The following NAGA variants were observed in gnomAD, a reference collection of about 807,000 sequenced individuals.
NAGA encodes the protein alpha-N-acetylgalactosaminidase.
Under a neutral mutation model 45.6 loss-of-function variants are expected in NAGA, and 42 were observed. The observed-to-expected ratio is 0.92, with a 90% CI of 0.72 to 1.19. NAGA has a LOEUF of 1.19. NAGA is among the 50% of genes most tolerant of loss of function. The pLI, the probability that NAGA is intolerant of heterozygous loss-of-function variation, is 0.00. For missense variants in NAGA, 493 were observed against 544.8 expected, an observed-to-expected ratio of 0.90 and a Z score of 0.95; for synonymous variants, 176 against 203.1, an observed-to-expected ratio of 0.87 and a Z score of 1.13.
At chr22:42,064,849 C>G (rs981717719) in intron 6 of NAGA, among the ~76,000 whole-genome samples, 7 of 152,130 alleles carry the variant, frequency 4.6e-5, no homozygotes, top group Admixed American at 1.3e-4. Flanking sequence ...TACCACTGGC[C>G]ACACCCACTT....
At chr22:42,063,099 T>C (rs1317654944) in intron 6 of NAGA, 75 bp from the exon 7 acceptor site, 31 of 1,447,992 alleles carry the variant, frequency 2.1e-5, no homozygotes, top group Non-Finnish European at 1.7e-5. Flanking sequence ...CCCAAACTTG[T>C]AGCCGAGGAA....
chr22:42,065,960 C>T lies in NAGA; in HGVS notation c.598-61G>A. The T allele has an allele frequency of 3.8e-6, 6 of 1,590,080 alleles. No homozygotes were observed. In the South Asian group the frequency reaches 6.8e-5, roughly 18 times the overall value. ...AATCACACGCTGCAGCCCAGGGACC[C>T]ACACAGGAGTTGAGGAGGCTCAGCA... On this transcript the variant is annotated intron_variant, in intron 5 of 8. Coordinates refer to ENST00000396398, the MANE Select transcript of NAGA (RefSeq NM_000262.3).
intron 5 of NAGA, 115 bp downstream of exon 5, chr22:42,066,595 C>T: frequency 2.0e-6 from 2 of 980,982 alleles, no homozygotes; most frequent in Non-Finnish European, 3.1e-6. Flanking sequence ...CATATGGGCA[C>T]CTGTGGTGAG....
At position 42,063,030 on chromosome 22, in the gene NAGA, G is replaced by A; in HGVS notation, c.760-6C>T. ...CCAAAGTTCCCAATGAGCAGCTGGG[G>A]GCAGAGAAGAGGAGTAGTCAGCTCT... On this transcript the variant is annotated splice_region_variant and splice_polypyrimidine_tract_variant and intron_variant, in intron 6 of 8. Transcript: ENST00000396398. The A allele has an allele frequency of 1.4e-5, 22 of 1,613,766 alleles. No individual in the cohort carries two copies. Among genetic ancestry groups the A allele is most frequent in the Non-Finnish European group, 1.9e-5 (22 of 1,179,866 alleles).
At chr22:42,060,456 C>T (rs763763420) in intron 8 of NAGA, 43 bp from the exon 9 acceptor site, 20 of 1,609,086 alleles carry the variant, frequency 1.2e-5, no homozygotes, top group Middle Eastern at 2.2e-4. Flanking sequence ...ATGAGAGTGG[C>T]GGCACAGAGA....
At chr22:42,066,016 G>A in intron 5 of NAGA, 117 bp from the exon 6 acceptor site, 1 of 1,332,026 alleles carries the variant, frequency 7.5e-7, no homozygotes, top group Non-Finnish European at 1.0e-6. Flanking sequence ...AGAGGGAAGA[G>A]AACAGGCCCC....
At chr22:42,069,058 T>A (rs1466824203) in intron 1 of NAGA, among the ~76,000 whole-genome samples, 1 of 152,088 alleles carries the variant, frequency 6.6e-6, no homozygotes, top group East Asian at 1.9e-4. Context: ...CAGGCCAACA[T>A]GGTGAAACCT....
rs142863015 is a variant in NAGA at position 42,060,926 on chromosome 22, C to T, written c.1099G>A (p.Glu367Lys). 1.1e-5 allele frequency: 18 copies of T among 1,614,048 alleles called. No homozygotes were observed. Among genetic ancestry groups the T allele is most frequent in the Admixed American group, 1.7e-5 (1 of 60,008 alleles). ...QLNFTGSVIYEAQDVYSGDII... is the reference protein window; with the variant it reads ...QLNFTGSVIYKAQDVYSGDII... Reference sequence around the variant, plus strand: ...GCTGCAGGCAGCCGGGTGCTCACCTCATATATCACAGACCCGGTGAAGTTC... The same window carrying T: ...GCTGCAGGCAGCCGGGTGCTCACCTTATATATCACAGACCCGGTGAAGTTC... The change falls in exon 8 of 9, where the codon GAG (glutamate) becomes AAG (lysine). Residue 367 changes from glutamate to lysine, a missense_variant and splice_region_variant. Physicochemically the swap from Glu to Lys is moderately conservative, Grantham distance 56 (BLOSUM62 1). Coordinates refer to ENST00000396398, the MANE Select transcript of NAGA (RefSeq NM_000262.3).
chr22:42,065,693 C>T (rs775111505), intron 6 of NAGA, 45 bp downstream of exon 6: 39 of 1,610,988 alleles, frequency 2.4e-5, no homozygotes, highest in Middle Eastern at 4.1e-4. Context: ...GGAGCAGGGT[C>T]GTCACAGATG....
In NAGA at chr22:42,062,915, G is replaced by A. The variant is rs1926491564; in HGVS notation, c.869C>T (p.Ser290Phe). The A allele has an allele frequency of 6.2e-7, 1 of 1,614,196 alleles. No individual in the cohort carries two copies. The highest frequency in any genetic ancestry group is 8.5e-7 in the Non-Finnish European group (1 of 1,180,034). ...CTGCAGAATGTCCATGTTCTGGGCG[G>A]AGATGGTACGCAGGTCTGTGGACAT... ...LLMSTDLRTI[S>F]AQNMDILQNP... The change falls in exon 7 of 9, where the codon TCC becomes TTC. Residue 290 changes from serine to phenylalanine, a missense_variant. By Grantham distance (155) the Ser-to-Phe change is radical. Transcript: ENST00000396398.
chr22:42,065,874 A>AT lies in NAGA; in HGVS notation c.622dup (p.Ile208AsnfsTer7), dbSNP rs779136917. The AT allele has an allele frequency of 7.4e-6, 12 of 1,614,164 alleles. No homozygotes were observed. In the South Asian group the frequency reaches 1.3e-4, roughly 18 times the overall value. On this transcript the variant is annotated frameshift_variant, in exon 6 of 9. Transcript: ENST00000396398. LOFTEE classifies it high-confidence loss of function. ...ATCATAGTTACGCCAGAGGTTGCAG[A>AT]TGTCCGCCAGCAGACTGTAGTTCAC...
In NAGA at chr22:42,067,896, C is replaced by G. The variant is rs755079572; in HGVS notation, c.193G>C (p.Asp65His). The change falls in exon 3 of 9, where the codon GAT becomes CAT. Residue 65 changes from aspartate to histidine, a missense_variant. By Grantham distance (81) the Asp-to-His change is moderately conservative. Coordinates refer to ENST00000396398, the MANE Select transcript of NAGA (RefSeq NM_000262.3). ...FMEMADRMAQ[D>H]GWRDMGYTYL... ...GTGTAGCCCATGTCCCGCCATCCAT[C>G]CTGTGCCATCCGGTCAGCCATCTCC... 3 of 1,613,776 alleles carry G rather than the reference C, an allele frequency of 1.9e-6. 1 individual carries two copies. In the Admixed American group the frequency reaches 5.0e-5, roughly 27 times the overall value.
chr22:42,068,658 C>A, intron 1 of NAGA, 84 bp from the exon 2 acceptor site: 1 of 1,554,554 alleles, frequency 6.4e-7, no homozygotes, highest in East Asian at 2.4e-5. Context: ...GTATGTTGCT[C>A]AGCCCTACAG....
At position 42,066,717 on chromosome 22, in the gene NAGA, G is replaced by T. The variant is rs1926754190; in HGVS notation, c.590C>A (p.Pro197His). The change falls in exon 5 of 9, where the codon CCC (proline) becomes CAC (histidine). Residue 197 changes from proline to histidine, a missense_variant. Coordinates refer to ENST00000396398, the MANE Select transcript of NAGA (RefSeq NM_000262.3). The part of the protein sequence containing the change: ...CSWPAYEGGL[P>H]PRVNYSLLAD... ...GGGGGCAGAATGGCTTACCCTTGGG[G>T]GGAGGCCGCCTTCATAGGCTGGCCA... 1.3e-6 allele frequency: 2 copies of T among 1,599,114 alleles called. No individual in the cohort carries two copies. The highest frequency in any genetic ancestry group is 1.1e-5 in the South Asian group (1 of 88,600).
At chr22:42,067,311 A>G in intron 3 of NAGA, 21 bp from the exon 4 acceptor site, 1 of 1,613,650 alleles carries the variant, frequency 6.2e-7, no homozygotes, top group East Asian at 2.2e-5. Flanking sequence ...TTGAGGACAC[A>G]GTGGGCTCAA....
Position 42,070,399 on chromosome 22 carries a change from G to A in NAGA, c.-102C>T. On this transcript the variant is annotated 5_prime_UTR_variant, in exon 1 of 9. Transcript: ENST00000396398. ...CTAAGAAACGTCTGAAAAGCACTGG[G>A]GTCACGGCTGCCTGGCTAGCTCGGC... 2 of 1,443,994 alleles carry A rather than the reference G, an allele frequency of 1.4e-6. No individual in the cohort carries two copies. Among genetic ancestry groups the A allele is most frequent in the Non-Finnish European group, 1.9e-6 (2 of 1,025,710 alleles). 89.4% of individuals were successfully genotyped at this position (1,443,994 alleles called of 1,614,324 possible). A position where few individuals can be genotyped will look rare whatever the true frequency, so the allele number is the denominator to read the frequency against.
chr22:42,064,863 C>G (rs1926634265), intron 6 of NAGA, among the ~76,000 whole-genome samples: 1 of 152,202 alleles, frequency 6.6e-6, no homozygotes, highest in Admixed American at 6.5e-5. Flanking sequence ...CCCACTTGCC[C>G]TAGCCACAGC....
intron 8 of NAGA, 57 bp from the exon 9 acceptor site, chr22:42,060,470 C>T: frequency 1.9e-6 from 3 of 1,607,678 alleles, no homozygotes; most frequent in Non-Finnish European, 1.7e-6. Context: ...ACAGAGACCC[C>T]CCCCGCTAGA....
In NAGA at chr22:42,061,078, A is replaced by G. The variant is rs1450925058; in HGVS notation, c.958-11T>C. 1.2e-6 allele frequency: 2 copies of G among 1,613,856 alleles called. No homozygotes were observed. The highest frequency in any genetic ancestry group is 2.2e-5 in the South Asian group (2 of 91,074). ...GATGAGAGATTTTTCCTGGGCACAG[A>G]AGGTGGCTACTGGCTGGGGTCCCTT... is the stretch of plus-strand genomic sequence containing the variant. On this transcript the variant is annotated splice_polypyrimidine_tract_variant and intron_variant, in intron 7 of 8. Coordinates refer to ENST00000396398, the MANE Select transcript of NAGA (RefSeq NM_000262.3).
Sources: gnomAD v4.1 joint callset for allele counts (sites outside exome capture counted in the v4.1 genomes callset) on GRCh38, gnomAD v4.1.1 for gene constraint, MANE v1.5 for transcripts, NCBI Gene and HGNC (gene_info 2026-07-23, HGNC 2026-07-21) for gene names.